ADAP1: variants seen among roughly 807,000 people sequenced by gnomAD.
ADAP1 encodes the protein ArfGAP with dual PH domains 1, also known as arf-GAP with dual PH domain-containing protein 1.
ADAP1 carries 31 observed loss-of-function variants against 54.9 expected under a neutral mutation model. The ratio of observed to expected loss-of-function variants is 0.56; its 90% CI spans 0.42 to 0.76. The LOEUF is 0.76. ADAP1 is among the 30% of genes least tolerant of loss of function. The pLI is 0.00. For missense variants in ADAP1, 535 were observed against 512.4 expected, an observed-to-expected ratio of 1.04 and a Z score of -0.42; for synonymous variants, 313 against 202.6, an observed-to-expected ratio of 1.55 and a Z score of -4.63.
chr7:906,179 G>A (rs866200646), intron 4 of ADAP1, among the ~76,000 whole-genome samples: 1 of 66,204 alleles, frequency 1.5e-5, no homozygotes, highest in Non-Finnish European at 3.2e-5. Flanking sequence ...AAGGAGAAAG[G>A]GAAAGGAGAA....
intron 4 of ADAP1, among the ~76,000 whole-genome samples, chr7:912,256 A>C (rs66844347): frequency 2.0e-5 from 3 of 151,986 alleles, no homozygotes; most frequent in African/African-American, 7.3e-5. Flanking sequence ...TCTCAGCGAG[A>C]CCAGGGCCTG....
intron 4 of ADAP1, chr7:905,447 G>GGGAGAAA (rs1562911869): frequency 1.8e-5 from 1 of 56,194 alleles, no homozygotes. Context: ...AAGGGAGAAA[G>GGGAGAAA]GGAGAAAGGG....
intron 3 of ADAP1, among the ~76,000 whole-genome samples, chr7:922,597 C>T (rs907660719): frequency 2.6e-5 from 4 of 152,156 alleles, no homozygotes; most frequent in Non-Finnish European, 5.9e-5. Flanking sequence ...TGAGGGTCCA[C>T]TCCTGAGTGT....
At chr7:931,280 A>G (rs1846569376) in intron 2 of ADAP1, among the ~76,000 whole-genome samples, 1 of 152,190 alleles carries the variant, frequency 6.6e-6, no homozygotes, top group Non-Finnish European at 1.5e-5. Flanking sequence ...AAACTGCTGA[A>G]TGTGTCACTA....
chr7:909,642 G>C (rs1212829005), intron 4 of ADAP1, among the ~76,000 whole-genome samples: 2 of 152,252 alleles, frequency 1.3e-5, no homozygotes, highest in African/African-American at 4.8e-5. Flanking sequence ...GTCGGCACCA[G>C]CAACAGCCAG....
intron 2 of ADAP1, among the ~76,000 whole-genome samples, chr7:930,979 CA>C (rs545321889): frequency 0.027 from 2,285 of 83,298 alleles, 54 homozygotes; most frequent in African/African-American, 0.079. Context: ...GACTGTGTCT[CA>C]AAAAAAAAAA....
chr7:927,413 A>G (rs979326036), intron 2 of ADAP1: 44 of 494,950 alleles, frequency 8.9e-5, no homozygotes, highest in Non-Finnish European at 2.0e-5. Context: ...GCCAGCCCCG[A>G]GGGCATGGGA....
Position 901,325 on chromosome 7 carries a change from C to T in ADAP1, c.649-709G>A, listed in dbSNP as rs11768769. 3.0e-3 allele frequency: 755 copies of T among 253,776 alleles called. 2 individuals carry two copies. Among genetic ancestry groups the T allele is most frequent in the African/African-American group, 0.015 (673 of 43,812 alleles). The allele number at this position is 253,776 out of a possible 1,614,324, so 15.7% of individuals were successfully genotyped here. ...CTTGGCCCCATGACATTATAACCTG[C>T]GCCCTGGGCCTCCTGTTCAGCCTAC... On this transcript the variant is annotated intron_variant, in intron 6 of 10. Transcript: ENST00000265846.
At chr7:904,479 G>A (rs564029634) in intron 5 of ADAP1, among the ~76,000 whole-genome samples, 23 of 152,246 alleles carry the variant, frequency 1.5e-4, no homozygotes, top group South Asian at 1.0e-3. Flanking sequence ...GGACCTCAAC[G>A]ACACTGTGCA....
intron 2 of ADAP1, among the ~76,000 whole-genome samples, chr7:934,825 T>C (rs564033086): frequency 6.6e-6 from 1 of 152,274 alleles, no homozygotes; most frequent in South Asian, 2.1e-4. Context: ...TGCCTGGCCA[T>C]GCCAAGTGCT....
intron 6 of ADAP1, among the ~76,000 whole-genome samples, chr7:901,779 C>T (rs1844830288): frequency 2.7e-5 from 2 of 72,778 alleles, no homozygotes; most frequent in South Asian, 1.0e-3. Flanking sequence ...CCCACCCTTT[C>T]CTCCGGCCCG....
At position 899,400 on chromosome 7, in the gene ADAP1, G is replaced by A. The variant is rs1215074742; in HGVS notation, c.867+19C>T. On this transcript the variant is annotated intron_variant, in intron 9 of 10. Transcript: ENST00000265846. ...CCAGTGAGCTGCCCTCCCGTGCTGG[G>A]GCCACAGCTCCTCCTTACCAGGGGG... The A allele has an allele frequency of 3.1e-6, 5 of 1,612,504 alleles. No individual in the cohort carries two copies. The highest frequency in any genetic ancestry group is 1.3e-5 in the African/African-American group (1 of 75,048).
At chr7:921,185 T>TCC (rs1198295428) in intron 3 of ADAP1, among the ~76,000 whole-genome samples, 1 of 152,056 alleles carries the variant, frequency 6.6e-6, no homozygotes, top group Non-Finnish European at 1.5e-5. Context: ...TCCTCCAGGG[T>TCC]CCCTCCCACC....
At chr7:904,016 C>G (rs967743848) in intron 6 of ADAP1, 110 bp downstream of exon 6, 1 of 1,438,588 alleles carries the variant, frequency 7.0e-7, no homozygotes, top group Non-Finnish European at 9.3e-7. Context: ...TGCCGCCTAG[C>G]TCAAGTGCCT....
rs1446388325 is a variant in ADAP1, at chr7:906,703, G to A, written c.389-1531C>T. 9.9e-3 allele frequency among the ~76,000 whole-genome samples: 323 copies of A among 32,652 alleles called. 16 individuals are homozygous for A. The highest frequency in any genetic ancestry group is 0.076 in the East Asian group (16 of 210). The allele number at this position is 32,652 out of a possible 152,430, so 21.4% of individuals were successfully genotyped here. A position where few individuals can be genotyped will look rare whatever the true frequency, so the allele number is the denominator to read the frequency against. ...CAGGGGACACGGGGGACATGGACAT[G>A]GGGGACGGGACATCGGGGACGGGAC... is the stretch of plus-strand genomic sequence containing the variant. On this transcript the variant is annotated intron_variant, in intron 4 of 10. Transcript: ENST00000265846.
intron 1 of ADAP1, among the ~76,000 whole-genome samples, chr7:942,986 T>G (rs1317183306): frequency 7.0e-3 from 49 of 6,958 alleles, no homozygotes; most frequent in African/African-American, 8.1e-3. Flanking sequence ...GAAGAGAGAG[T>G]AGGAGGAAGA....
intron 6 of ADAP1, chr7:901,160 G>T (rs564604987): frequency 5.0e-6 from 2 of 397,336 alleles, no homozygotes; most frequent in Non-Finnish European, 1.0e-5. Context: ...AGAGCGTGGG[G>T]TGGGCCAGCA....
At chr7:949,892 T>C (rs927082071) in intron 1 of ADAP1, among the ~76,000 whole-genome samples, 7 of 152,250 alleles carry the variant, frequency 4.6e-5, no homozygotes, top group Middle Eastern at 3.2e-3. Context: ...CTAGCAGTTC[T>C]TCAACCAGGT....
chr7:900,655 C>T (rs754557797), intron 6 of ADAP1, 39 bp from the exon 7 acceptor site: 40 of 1,561,698 alleles, frequency 2.6e-5, no homozygotes, highest in Non-Finnish European at 3.3e-5. Context: ...GCTGAGGAGG[C>T]TGCAGCGCTG....
Sources: gnomAD v4.1 joint callset for allele counts (sites outside exome capture counted in the v4.1 genomes callset) on GRCh38, gnomAD v4.1.1 for gene constraint, MANE v1.5 for transcripts, NCBI Gene and HGNC (gene_info 2026-07-23, HGNC 2026-07-21) for gene names.